Variants in GRM8 observed in about 807,000 individuals in gnomAD.
GRM8 encodes the protein metabotropic glutamate receptor 8.
In GRM8, 47 loss-of-function variants were observed where a neutral mutation model predicts 87.2. The observed-to-expected ratio is 0.54, with a 90% CI of 0.43 to 0.69. GRM8 has a LOEUF of 0.69. Ranked by LOEUF, GRM8 falls within the 30% of genes least tolerant of loss-of-function variation. The pLI, the probability that GRM8 is intolerant of heterozygous loss-of-function variation, is 0.00. For synonymous variants in GRM8, 396 were observed against 404.5 expected (o/e 0.98, Z 0.25); for missense variants, 1,019 against 1,139.2 (o/e 0.89, Z 1.52).
intron 3 of GRM8, among the ~76,000 whole-genome samples, chr7:127,044,901 C>G (rs746248675): frequency 6.6e-6 from 1 of 152,030 alleles, no homozygotes; most frequent in Non-Finnish European, 1.5e-5. Context: ...TATCCACCAC[C>G]CAAAATTTAA....
intron 6 of GRM8, among the ~76,000 whole-genome samples, chr7:126,873,687 T>C (rs1328619272): frequency 6.6e-6 from 1 of 152,058 alleles, no homozygotes; most frequent in Non-Finnish European, 1.5e-5. Flanking sequence ...AAGCCAAAAA[T>C]GTGAATCTCT....
At chr7:127,031,006 A>T (rs1817307675) in intron 3 of GRM8, among the ~76,000 whole-genome samples, 2 of 152,154 alleles carry the variant, frequency 1.3e-5, no homozygotes, top group South Asian at 2.1e-4. Context: ...AGAGCTGGAC[A>T]ATCCTCTTCT....
intron 3 of GRM8, among the ~76,000 whole-genome samples, chr7:127,099,979 G>T (rs143443996): frequency 6.6e-6 from 1 of 152,062 alleles, no homozygotes; most frequent in Non-Finnish European, 1.5e-5. Flanking sequence ...ACAAGAAGAT[G>T]GTCATGTGAT....
chr7:127,129,707 T>C (rs1008751260), intron 2 of GRM8, among the ~76,000 whole-genome samples: 7 of 152,176 alleles, frequency 4.6e-5, no homozygotes, highest in Non-Finnish European at 7.4e-5. Flanking sequence ...ATCGTGAATG[T>C]AGTTATTTTC....
intron 3 of GRM8, among the ~76,000 whole-genome samples, chr7:127,002,930 T>G (rs1382332555): frequency 6.6e-6 from 1 of 151,760 alleles, no homozygotes; most frequent in Non-Finnish European, 1.5e-5. Context: ...AAACACTGCA[T>G]GTTCTTAAGT....
At chr7:127,102,406 T>C (rs1374091368) in intron 3 of GRM8, among the ~76,000 whole-genome samples, 1 of 152,150 alleles carries the variant, frequency 6.6e-6, no homozygotes, top group East Asian at 1.9e-4. Context: ...TCCATGGCAT[T>C]TCAAAGACCT....
At chr7:126,820,751 CA>C (rs1794219054) in intron 6 of GRM8, among the ~76,000 whole-genome samples, 1 of 152,146 alleles carries the variant, frequency 6.6e-6, no homozygotes, top group Non-Finnish European at 1.5e-5. Flanking sequence ...CTCAAATTTC[CA>C]ACCCTGCCAT....
chr7:127,217,579 T>C (rs186849965), intron 2 of GRM8, among the ~76,000 whole-genome samples: 3 of 152,282 alleles, frequency 2.0e-5, no homozygotes, highest in African/African-American at 7.2e-5. Flanking sequence ...TAACTAATCA[T>C]ATGGTTTCTA....
intron 7 of GRM8, among the ~76,000 whole-genome samples, chr7:126,662,956 TA>T (rs995912439): frequency 1.3e-5 from 2 of 152,248 alleles, no homozygotes; most frequent in African/African-American, 4.8e-5. Context: ...AGGGATATTG[TA>T]AAATGCATTT....
At chr7:126,752,238 G>A (rs1816504793) in intron 7 of GRM8, among the ~76,000 whole-genome samples, 1 of 152,064 alleles carries the variant, frequency 6.6e-6, no homozygotes, top group African/African-American at 2.4e-5. Context: ...CAAGGCAGTA[G>A]TGCACTATAG....
intron 9 of GRM8, among the ~76,000 whole-genome samples, chr7:126,519,948 G>A (rs554108368): frequency 6.6e-6 from 1 of 151,334 alleles, no homozygotes; most frequent in South Asian, 2.1e-4. Context: ...GTAAAAAGAA[G>A]AGAAGTCGGT....
intron 9 of GRM8, among the ~76,000 whole-genome samples, chr7:126,461,112 T>C (rs1453690514): frequency 2.6e-5 from 4 of 151,452 alleles, no homozygotes; most frequent in African/African-American, 4.8e-5. Context: ...GACAACCTTC[T>C]TAGGTCCTGA....
intron 3 of GRM8, among the ~76,000 whole-genome samples, chr7:127,020,480 C>A (rs1459369787): frequency 6.6e-6 from 1 of 152,080 alleles, no homozygotes; most frequent in Non-Finnish European, 1.5e-5. Context: ...AGCATCACCT[C>A]CCTGATGAGT....
chr7:127,053,128 T>C (rs1330752329), intron 3 of GRM8, among the ~76,000 whole-genome samples: 1 of 152,218 alleles, frequency 6.6e-6, no homozygotes, highest in Non-Finnish European at 1.5e-5. Context: ...TGCTCCTTTT[T>C]AGGCACTTGG....
At chr7:127,020,698 C>T (rs529292782) in intron 3 of GRM8, among the ~76,000 whole-genome samples, 1 of 152,164 alleles carries the variant, frequency 6.6e-6, no homozygotes, top group South Asian at 2.1e-4. Flanking sequence ...TGTGTTACCT[C>T]ACTGGTTCCC....
At chr7:127,122,496 A>G (rs990975310) in intron 2 of GRM8, among the ~76,000 whole-genome samples, 4 of 152,026 alleles carry the variant, frequency 2.6e-5, no homozygotes, top group Non-Finnish European at 5.9e-5. Context: ...AAAAGAAAAA[A>G]CAGGAAAACC....
At chr7:127,058,266 G>C (rs890304752) in intron 3 of GRM8, 8 of 408,738 alleles carry the variant, frequency 2.0e-5, no homozygotes, top group African/African-American at 1.7e-4. Flanking sequence ...CTTTGTTCTT[G>C]TCAACACACT....
chr7:126,482,613 C>T (rs1369628607), intron 9 of GRM8, among the ~76,000 whole-genome samples: 1 of 151,856 alleles, frequency 6.6e-6, no homozygotes, highest in Non-Finnish European at 1.5e-5. Flanking sequence ...AGACACAAAG[C>T]AGAATGGTAG....
At chr7:126,894,743 G>A (rs992891579) in intron 6 of GRM8, among the ~76,000 whole-genome samples, 2 of 151,900 alleles carry the variant, frequency 1.3e-5, no homozygotes, top group Non-Finnish European at 2.9e-5. Flanking sequence ...GCCCCACTTC[G>A]GTAAAGTTCT....
Sources: gnomAD v4.1 joint callset for allele counts (sites outside exome capture counted in the v4.1 genomes callset) on GRCh38, gnomAD v4.1.1 for gene constraint, MANE v1.5 for transcripts, NCBI Gene and HGNC (gene_info 2026-07-23, HGNC 2026-07-21) for gene names.